PYHIN1: variants seen among roughly 807,000 people sequenced by gnomAD.
The protein encoded by PYHIN1 is pyrin and HIN domain-containing protein 1.
A neutral mutation model predicts 43.7 loss-of-function variants in PYHIN1; 32 were observed. That is an observed-to-expected ratio of 0.73 (90% CI 0.55 to 0.98). The LOEUF (loss-of-function observed/expected upper bound fraction) is 0.98. Among genes scored for constraint, PYHIN1 ranks in the 50% least tolerant of loss-of-function variants. The probability of loss-of-function intolerance (pLI) is 0.00; values close to 1 mark genes in which losing one functional copy is unlikely to be tolerated. For missense variants in PYHIN1, 588 were observed against 589.5 expected (o/e 1.00, Z 0.03); for synonymous variants, 205 against 203.1 (o/e 1.01, Z -0.08).
rs1648967612 is a variant in PYHIN1, at chr1:158,942,259, T to C, written c.862T>C (p.Ser288Pro). ...TCTCCTAGAGGTGAATGAAGCCTCT[T>C]CTGTATCTGAAGCTGGTCCTGACCA... ...NSLLEVNEAS[S>P]VSEAGPDQTF... The change falls in exon 5 of 9, where the codon TCT (serine) becomes CCT (proline). Residue 288 changes from serine (S) to proline (P), a missense_variant. Transcript: ENST00000368140. The C allele has an allele frequency of 6.2e-7, 1 of 1,614,114 alleles. No homozygotes were observed. The highest frequency in any genetic ancestry group is 8.5e-7 in the Non-Finnish European group (1 of 1,179,974).
At chr1:158,989,472 C>A in the PYHIN1 span, among the ~76,000 whole-genome samples, 4,290 of 152,220 alleles carry the variant, frequency 0.028, 299 homozygotes, top group East Asian at 0.26. Flanking sequence ...ATGAAGTAAG[C>A]TGAGAGCATT....
Position 158,944,957 on chromosome 1 carries a change from C to T in PYHIN1, c.1274C>T (p.Ser425Leu). 6.2e-7 allele frequency: 1 copy of T among 1,613,938 alleles called. No individual in the cohort carries two copies. The highest frequency in any genetic ancestry group is 8.5e-7 in the Non-Finnish European group (1 of 1,179,892). The stretch of plus-strand genomic sequence containing the variant: ...GAACAGAGTCAGCATCCAAAACCTT[C>T]AGAGGCCAGCACAACCCTACCTGAA... ...PQEQSQHPKP[S>L]EASTTLPESH... The change falls in exon 7 of 9, where the codon TCA becomes TTA. Residue 425 changes from serine to leucine, a missense_variant. Ser to Leu is a moderately radical substitution (Grantham distance 145). Transcript: ENST00000368140.
At chr1:158,973,804 TAA>T (rs1557846626) in intron 8 of PYHIN1, 33 bp downstream of exon 8, 1 of 1,609,452 alleles carries the variant, frequency 6.2e-7, no homozygotes, top group Non-Finnish European at 8.5e-7. Context: ...GCTGTACCTC[TAA>T]AATATAATTG....
At chr1:158,958,240 G>A (rs547500826) in intron 7 of PYHIN1, among the ~76,000 whole-genome samples, 1 of 151,624 alleles carries the variant, frequency 6.6e-6, no homozygotes, top group African/African-American at 2.4e-5. Context: ...ATTTGACCCA[G>A]GCATCCCATT....
chr1:158,964,511 A>C (rs1650508771), intron 7 of PYHIN1, among the ~76,000 whole-genome samples: 1 of 152,204 alleles, frequency 6.6e-6, no homozygotes, highest in South Asian at 2.1e-4. Context: ...CACCTACAAA[A>C]GGAACCCTAT....
intron 4 of PYHIN1, 47 bp from the exon 5 acceptor site, chr1:158,941,930 C>A: frequency 1.3e-6 from 2 of 1,511,034 alleles, no homozygotes; most frequent in South Asian, 2.7e-5. Flanking sequence ...ATTCTGTATT[C>A]CTCACTCAAA....
At chr1:158,982,225 G>A in the PYHIN1 span, among the ~76,000 whole-genome samples, 1 of 152,084 alleles carries the variant, frequency 6.6e-6, no homozygotes, top group Non-Finnish European at 1.5e-5. Context: ...CTAATGTCCA[G>A]AATAGTATTT....
At chr1:158,983,399 C>T in the PYHIN1 span, among the ~76,000 whole-genome samples, 2,412 of 152,028 alleles carry the variant, frequency 0.016, 66 homozygotes, top group African/African-American at 0.056. Context: ...TAGATAATCA[C>T]GTGATTTTTG....
At chr1:158,957,550 A>G (rs1053007556) in intron 7 of PYHIN1, among the ~76,000 whole-genome samples, 117 of 150,900 alleles carry the variant, frequency 7.8e-4, no homozygotes, top group Middle Eastern at 6.8e-3. Context: ...CTGGCTAGCC[A>G]TATGTAGAAA....
chr1:158,947,254 C>T (rs1649273606), intron 7 of PYHIN1, among the ~76,000 whole-genome samples: 1 of 152,064 alleles, frequency 6.6e-6, no homozygotes, highest in South Asian at 2.1e-4. Flanking sequence ...TGAAATCATT[C>T]CTGACTCAAG....
At chr1:158,936,401 A>G (rs1221285750) in intron 1 of PYHIN1, among the ~76,000 whole-genome samples, 1 of 151,992 alleles carries the variant, frequency 6.6e-6, no homozygotes, top group Non-Finnish European at 1.5e-5. Flanking sequence ...ACACAACAAA[A>G]AAAAGAGAAT....
rs1366027603 is a variant in PYHIN1, at chr1:158,940,464, T to C, written c.579+1217T>C. Among the ~76,000 whole-genome samples the C allele has an allele frequency of 2.0e-5, 3 of 152,082 alleles. No homozygotes were observed. In the East Asian group the frequency reaches 5.8e-4, roughly 29 times the overall value. On this transcript the variant is annotated intron_variant, in intron 4 of 8. Coordinates refer to ENST00000368140, the MANE Select transcript of PYHIN1 (RefSeq NM_152501.5). Reference sequence around the variant, plus strand: ...GACTTACAAATGAAAGAAAGTAAATTACAATTAATAATTGCATGATTCTGA... The same window carrying C: ...GACTTACAAATGAAAGAAAGTAAATCACAATTAATAATTGCATGATTCTGA...
At chr1:158,939,790 C>T (rs1383690876) in intron 4 of PYHIN1, 13 of 484,056 alleles carry the variant, frequency 2.7e-5, no homozygotes, top group Admixed American at 1.7e-4. Context: ...TTTATGACAA[C>T]TGAAGTTAAT....
In PYHIN1 at chr1:158,943,431, GC is replaced by G. The variant is rs531491756; in HGVS notation, c.1003-356del. On this transcript the variant is annotated intron_variant, in intron 5 of 8. Transcript: ENST00000368140. ...TAGTGAATGATGAGTTGTGACAGAT[GC>G]CCATTCTTTTTGCATAGGGGCAGAG... Among the ~76,000 whole-genome samples, 25 of 152,260 alleles carry G rather than the reference GC, an allele frequency of 1.6e-4. 1 individual carries two copies. The South Asian group carries it at 5.0e-3, about 30-fold the overall frequency.
At chr1:158,953,433 G>T (rs1438928220) in intron 7 of PYHIN1, among the ~76,000 whole-genome samples, 2 of 150,634 alleles carry the variant, frequency 1.3e-5, no homozygotes, top group Non-Finnish European at 3.0e-5. Flanking sequence ...CCTCAAGGGG[G>T]TCCCTGACCC....
At chr1:158,987,511 T>A in the PYHIN1 span, among the ~76,000 whole-genome samples, 1 of 152,202 alleles carries the variant, frequency 6.6e-6, no homozygotes, top group Non-Finnish European at 1.5e-5. Flanking sequence ...ATATTCTTGA[T>A]AATGTTATTT....
At chr1:158,980,447 C>A (rs574627843), downstream of PYHIN1, among the ~76,000 whole-genome samples, 92 of 152,144 alleles carry the variant, frequency 6.0e-4, no homozygotes, top group Admixed American at 1.3e-3. Flanking sequence ...AATGGATGTG[C>A]AAGTAGGAAA....
intron 5 of PYHIN1, 22 bp downstream of exon 5, chr1:158,942,421 G>A (rs777811642): frequency 1.3e-6 from 2 of 1,533,790 alleles, no homozygotes; most frequent in Admixed American, 4.3e-5. Context: ...AAGCTATTTT[G>A]TGGCATTTTC....
chr1:158,954,951 C>A (rs1103805), intron 7 of PYHIN1, among the ~76,000 whole-genome samples: 43,157 of 149,616 alleles, frequency 0.29, 7,216 homozygotes, highest in South Asian at 0.49. Flanking sequence ...GGGTTGCAAT[C>A]CTAGTCTCTG....
Sources: gnomAD v4.1 joint callset for allele counts (sites outside exome capture counted in the v4.1 genomes callset) on GRCh38, gnomAD v4.1.1 for gene constraint, MANE v1.5 for transcripts, NCBI Gene and HGNC (gene_info 2026-07-23, HGNC 2026-07-21) for gene names.